GRM3: variants seen among roughly 807,000 people sequenced by gnomAD.
GRM3 encodes glutamate metabotropic receptor 3.
A neutral mutation model predicts 70.5 loss-of-function variants in GRM3; 26 were observed. The observed-to-expected ratio is 0.37, with a 90% CI of 0.27 to 0.51. The LOEUF is 0.51. GRM3 is among the 20% of genes least tolerant of loss of function. The probability of loss-of-function intolerance (pLI) is 0.93; values close to 1 mark genes in which losing one functional copy is unlikely to be tolerated. For synonymous variants in GRM3, 443 were observed against 434.9 expected (o/e 1.02, Z -0.23); for missense variants, 859 against 1,123.8 (o/e 0.76, Z 3.37).
intron 2 of GRM3, among the ~76,000 whole-genome samples, chr7:86,766,414 T>C (rs1186088995): frequency 6.6e-6 from 1 of 152,028 alleles, no homozygotes; most frequent in Admixed American, 6.6e-5. Flanking sequence ...ACACATAACT[T>C]AAACTAAATA....
chr7:86,813,323 G>A (rs778217713), intron 3 of GRM3, among the ~76,000 whole-genome samples: 1 of 151,616 alleles, frequency 6.6e-6, no homozygotes, highest in African/African-American at 2.4e-5. Context: ...TGGGTCTTTA[G>A]AAATGAAGCA....
intron 1 of GRM3, among the ~76,000 whole-genome samples, chr7:86,692,776 C>A (rs1794725201): frequency 6.6e-6 from 1 of 152,148 alleles, no homozygotes; most frequent in African/African-American, 2.4e-5. Context: ...TATATAAACA[C>A]TAGCATCTCA....
chr7:86,682,097 G>A (rs1316779738), intron 1 of GRM3, among the ~76,000 whole-genome samples: 1 of 152,164 alleles, frequency 6.6e-6, no homozygotes, highest in Non-Finnish European at 1.5e-5. Context: ...TCCTTAAACA[G>A]TGCATTTGCA....
At chr7:86,727,457 G>C (rs1391431476) in intron 1 of GRM3, among the ~76,000 whole-genome samples, 1 of 152,134 alleles carries the variant, frequency 6.6e-6, no homozygotes. Context: ...GTTTCTGTCA[G>C]CCTATTATAG....
At chr7:86,809,197 T>C (rs1797861858) in intron 3 of GRM3, among the ~76,000 whole-genome samples, 1 of 152,092 alleles carries the variant, frequency 6.6e-6, no homozygotes, top group South Asian at 2.1e-4. Context: ...CAATTCTCTA[T>C]TATACAATCC....
In GRM3 at chr7:86,735,546, T is replaced by C. The variant is rs117148782; in HGVS notation, c.-140-29460T>C. Among the ~76,000 whole-genome samples, 903 of 152,314 alleles carry C rather than the reference T, an allele frequency of 5.9e-3. 3 individuals are homozygous for C. The highest frequency in any genetic ancestry group is 9.7e-3 in the Non-Finnish European group (658 of 68,024). ...ATCTGACCAGCAGGTTTTTAAAATA[T>C]ATTAATTATATTTTTCAGTGCTCCA... On this transcript the variant is annotated intron_variant, in intron 1 of 5. Transcript: ENST00000361669.
chr7:86,666,300 C>G (rs1369400754), intron 1 of GRM3, among the ~76,000 whole-genome samples: 2 of 152,002 alleles, frequency 1.3e-5, no homozygotes, highest in Admixed American at 1.3e-4. Context: ...CTTACAGAAG[C>G]AAATGGAATG....
intron 3 of GRM3, among the ~76,000 whole-genome samples, chr7:86,796,560 A>G (rs1209500239): frequency 6.6e-6 from 1 of 152,052 alleles, no homozygotes; most frequent in East Asian, 1.9e-4. Flanking sequence ...TGTTGGTTCC[A>G]TATTAATTTT....
At chr7:86,847,883 CT>C (rs1425724972) in intron 4 of GRM3, among the ~76,000 whole-genome samples, 3 of 152,108 alleles carry the variant, frequency 2.0e-5, no homozygotes, top group Admixed American at 2.0e-4. Context: ...TAAATAAAAG[CT>C]ATTTCAATTT....
intron 1 of GRM3, among the ~76,000 whole-genome samples, chr7:86,657,367 C>G (rs1345517279): frequency 1.3e-5 from 2 of 152,180 alleles, no homozygotes; most frequent in African/African-American, 4.8e-5. Flanking sequence ...AATAATATTT[C>G]TGTTTGACAT....
intron 3 of GRM3, among the ~76,000 whole-genome samples, chr7:86,828,434 A>G (rs1318919666): frequency 6.6e-6 from 1 of 152,160 alleles, no homozygotes; most frequent in Non-Finnish European, 1.5e-5. Flanking sequence ...AATATTTTAC[A>G]TTCAGTTCTA....
chr7:86,843,724 C>CTG (rs1158852021), intron 4 of GRM3, among the ~76,000 whole-genome samples: 1 of 152,092 alleles, frequency 6.6e-6, no homozygotes, highest in Non-Finnish European at 1.5e-5. Flanking sequence ...CTGTTATCAA[C>CTG]ATAGGCAAGT....
At chr7:86,646,679 A>T (rs183952067) in intron 1 of GRM3, among the ~76,000 whole-genome samples, 7 of 152,292 alleles carry the variant, frequency 4.6e-5, no homozygotes, top group African/African-American at 1.4e-4. Context: ...TGAAACCTAA[A>T]TCATAGAAAA....
chr7:86,777,361 G>C (rs1007171234), intron 2 of GRM3, among the ~76,000 whole-genome samples: 3 of 152,166 alleles, frequency 2.0e-5, no homozygotes, highest in African/African-American at 7.2e-5. Context: ...ATGGAAAGCA[G>C]GGTGACTTTG....
chr7:86,778,491 GC>G (rs1562859484), intron 2 of GRM3, among the ~76,000 whole-genome samples: 1 of 152,156 alleles, frequency 6.6e-6, no homozygotes, highest in Non-Finnish European at 1.5e-5. Flanking sequence ...AAGGCACAAA[GC>G]TCTGTTTGAA....
At chr7:86,663,259 T>C (rs138000269) in intron 1 of GRM3, among the ~76,000 whole-genome samples, 1 of 151,834 alleles carries the variant, frequency 6.6e-6, no homozygotes, top group East Asian at 1.9e-4. Flanking sequence ...CAAGAGAAAG[T>C]GGTATCATGC....
At chr7:86,751,159 G>C (rs1474155563) in intron 1 of GRM3, among the ~76,000 whole-genome samples, 1 of 152,096 alleles carries the variant, frequency 6.6e-6, no homozygotes, top group African/African-American at 2.4e-5. Flanking sequence ...CATCTGGAAA[G>C]AGCAGTAGTA....
intron 3 of GRM3, among the ~76,000 whole-genome samples, chr7:86,816,001 A>G (rs1466988458): frequency 6.6e-6 from 1 of 151,902 alleles, no homozygotes; most frequent in Non-Finnish European, 1.5e-5. Context: ...TATTATTCGT[A>G]TAATAATTCA....
chr7:86,716,432 T>C (rs1470961593), intron 1 of GRM3, among the ~76,000 whole-genome samples: 1 of 151,862 alleles, frequency 6.6e-6, no homozygotes, highest in Non-Finnish European at 1.5e-5. Flanking sequence ...GGATGAGAAA[T>C]GGTAAGAAGT....
Sources: gnomAD v4.1 joint callset for allele counts (sites outside exome capture counted in the v4.1 genomes callset) on GRCh38, gnomAD v4.1.1 for gene constraint, MANE v1.5 for transcripts, NCBI Gene and HGNC (gene_info 2026-07-23, HGNC 2026-07-21) for gene names.